CNTNAP2: variants seen among roughly 807,000 people sequenced by gnomAD.
The protein encoded by CNTNAP2 is contactin associated protein 2, also known as contactin-associated protein-like 2.
Under a neutral mutation model 155.2 loss-of-function variants are expected in CNTNAP2, and 98 were observed. That is an observed-to-expected ratio of 0.63 (90% CI 0.54 to 0.75). The LOEUF is 0.75. Among genes scored for constraint, CNTNAP2 ranks in the 30% least tolerant of loss-of-function variants. The pLI is 0.00. For synonymous variants in CNTNAP2, 651 were observed against 631.2 expected (o/e 1.03, Z -0.47); for missense variants, 1,727 against 1,688.1 (o/e 1.02, Z -0.40).
intron 4 of CNTNAP2, among the ~76,000 whole-genome samples, chr7:147,056,384 C>A (rs1799561510): frequency 6.6e-6 from 1 of 151,966 alleles, no homozygotes; most frequent in African/African-American, 2.4e-5. Flanking sequence ...GAAAAAAAAA[C>A]CCTCTTTCCC....
intron 1 of CNTNAP2, among the ~76,000 whole-genome samples, chr7:146,440,921 C>T (rs554196876): frequency 2.0e-5 from 3 of 151,524 alleles, no homozygotes; most frequent in African/African-American, 2.4e-5. Flanking sequence ...TTACCAAATA[C>T]GTAATGTGAT....
intron 12 of CNTNAP2, among the ~76,000 whole-genome samples, chr7:147,623,839 G>A (rs970930487): frequency 2.6e-5 from 4 of 151,912 alleles, no homozygotes; most frequent in African/African-American, 7.3e-5. Context: ...AAAACTGGAG[G>A]AATCACATTA....
chr7:147,839,225 G>A (rs1798684381), intron 13 of CNTNAP2, among the ~76,000 whole-genome samples: 1 of 152,120 alleles, frequency 6.6e-6, no homozygotes, highest in Admixed American at 6.6e-5. Context: ...GCCTTCCCCA[G>A]TCCATTGACT....
intron 13 of CNTNAP2, among the ~76,000 whole-genome samples, chr7:147,788,888 T>C (rs1797775970): frequency 6.8e-6 from 1 of 147,766 alleles, no homozygotes; most frequent in Admixed American, 6.8e-5. Flanking sequence ...GATATACTTT[T>C]TTTTTCTTTT....
At chr7:147,785,964 C>G (rs1327294288) in intron 13 of CNTNAP2, among the ~76,000 whole-genome samples, 1 of 151,710 alleles carries the variant, frequency 6.6e-6, no homozygotes, top group Non-Finnish European at 1.5e-5. Context: ...CGCACTCCAC[C>G]CTTGGTGATA....
chr7:146,867,088 G>T (rs1007750745), intron 3 of CNTNAP2, among the ~76,000 whole-genome samples: 3 of 152,020 alleles, frequency 2.0e-5, no homozygotes, highest in Non-Finnish European at 4.4e-5. Flanking sequence ...TGTCACAGGG[G>T]TTTGCTGTAA....
intron 1 of CNTNAP2, among the ~76,000 whole-genome samples, chr7:146,688,283 GTTTCA>G (rs1375301199): frequency 6.6e-6 from 1 of 152,088 alleles, no homozygotes; most frequent in Non-Finnish European, 1.5e-5. Flanking sequence ...TGTTCTATAA[GTTTCA>G]TTTCAAATTC....
intron 3 of CNTNAP2, among the ~76,000 whole-genome samples, chr7:146,953,020 G>A (rs1016304741): frequency 1.3e-5 from 2 of 152,048 alleles, no homozygotes; most frequent in Non-Finnish European, 2.9e-5. Context: ...TATATTCAGT[G>A]AGAATGAAAT....
intron 2 of CNTNAP2, among the ~76,000 whole-genome samples, chr7:146,779,551 G>T (rs1182741515): frequency 6.6e-6 from 1 of 152,136 alleles, no homozygotes; most frequent in Admixed American, 6.5e-5. Flanking sequence ...TATTTATGCT[G>T]TTATAGCCAG....
At chr7:146,629,280 G>T (rs568732923) in intron 1 of CNTNAP2, among the ~76,000 whole-genome samples, 2 of 152,054 alleles carry the variant, frequency 1.3e-5, no homozygotes, top group East Asian at 3.9e-4. Context: ...ATTTAGAAAC[G>T]GGCTAATGTA....
intron 1 of CNTNAP2, among the ~76,000 whole-genome samples, chr7:146,700,729 TC>T (rs141188893): frequency 0.019 from 2,827 of 152,214 alleles, 94 homozygotes; most frequent in African/African-American, 0.065. Flanking sequence ...AAAATCCCAG[TC>T]ATTGTTTATT....
intron 19 of CNTNAP2, among the ~76,000 whole-genome samples, chr7:148,227,215 A>C (rs548870742): frequency 8.3e-4 from 126 of 152,270 alleles, no homozygotes; most frequent in African/African-American, 2.8e-3. Flanking sequence ...TGCCGAGTGA[A>C]GATGAGGCCT....
intron 21 of CNTNAP2, among the ~76,000 whole-genome samples, chr7:148,351,392 G>A (rs1798422015): frequency 6.6e-6 from 1 of 152,074 alleles, no homozygotes; most frequent in Non-Finnish European, 1.5e-5. Flanking sequence ...TGGGAACAGC[G>A]AGGACAGAGC....
chr7:147,668,747 A>G (rs1211727705), intron 13 of CNTNAP2, among the ~76,000 whole-genome samples: 2 of 152,118 alleles, frequency 1.3e-5, no homozygotes, highest in Admixed American at 6.5e-5. Context: ...TAAAATTTAT[A>G]AAGTAAAAAT....
chr7:147,283,436 C>G (rs2116730551), intron 8 of CNTNAP2, among the ~76,000 whole-genome samples: 1 of 151,800 alleles, frequency 6.6e-6, no homozygotes. Flanking sequence ...TAGAGGGATG[C>G]TCATCTAGCA....
At chr7:147,876,557 T>G (rs770636749) in intron 13 of CNTNAP2, among the ~76,000 whole-genome samples, 20 of 152,250 alleles carry the variant, frequency 1.3e-4, no homozygotes, top group Non-Finnish European at 1.5e-4. Flanking sequence ...TGAAGTTAGT[T>G]ATTATGTGCT....
At chr7:148,133,419 G>A (rs763662496) in intron 16 of CNTNAP2, among the ~76,000 whole-genome samples, 12 of 152,152 alleles carry the variant, frequency 7.9e-5, no homozygotes, top group East Asian at 1.9e-4. Flanking sequence ...CTGAGATCGC[G>A]CCACTGCACT....
chr7:147,660,068 TA>T (rs1486606012), intron 13 of CNTNAP2, among the ~76,000 whole-genome samples: 1 of 152,134 alleles, frequency 6.6e-6, no homozygotes, highest in African/African-American at 2.4e-5. Flanking sequence ...GTGTGAAAAA[TA>T]TGCATATCTA....
At chr7:148,153,336 G>A (rs909692069) in intron 17 of CNTNAP2, among the ~76,000 whole-genome samples, 3 of 151,748 alleles carry the variant, frequency 2.0e-5, no homozygotes, top group Admixed American at 2.0e-4. Flanking sequence ...CAGGTCTTTT[G>A]GAAGTTGTAA....
Sources: allele counts gnomAD v4.1 joint callset (sites outside exome capture counted in the v4.1 genomes callset), GRCh38; gene constraint gnomAD v4.1.1; transcripts MANE v1.5; gene names NCBI Gene and HGNC (gene_info 2026-07-23, HGNC 2026-07-21).